Variants in SESTD1 observed in about 807,000 individuals in gnomAD.
SESTD1 encodes SEC14 domain and spectrin repeat-containing protein 1.
Under a neutral mutation model 101.7 loss-of-function variants are expected in SESTD1, and 43 were observed. The observed-to-expected ratio is 0.42, with a 90% CI of 0.33 to 0.55. The LOEUF is 0.55. Ranked by LOEUF, SESTD1 falls within the 20% of genes least tolerant of loss-of-function variation. SESTD1 has a pLI of 0.07. For missense variants in SESTD1, 647 were observed against 815.1 expected, an observed-to-expected ratio of 0.79 and a Z score of 2.51; for synonymous variants, 283 against 286.8, an observed-to-expected ratio of 0.99 and a Z score of 0.13.
At chr2:179,230,276 C>T (rs1280317726) in intron 1 of SESTD1, among the ~76,000 whole-genome samples, 1 of 151,670 alleles carries the variant, frequency 6.6e-6, no homozygotes, top group East Asian at 1.9e-4. Context: ...GCTGGGGCTA[C>T]AGGCACACAC....
intron 14 of SESTD1, among the ~76,000 whole-genome samples, chr2:179,117,041 A>G (rs1280593921): frequency 6.6e-6 from 1 of 152,240 alleles, no homozygotes; most frequent in East Asian, 1.9e-4. Context: ...ATCACATAAT[A>G]AAAGATCATG....
chr2:179,259,976 T>C (rs1409380946), intron 1 of SESTD1, among the ~76,000 whole-genome samples: 2 of 152,208 alleles, frequency 1.3e-5, no homozygotes. Context: ...AAATGGCCTG[T>C]GAATTTTTAT....
intron 10 of SESTD1, among the ~76,000 whole-genome samples, chr2:179,127,576 A>G (rs143027496): frequency 3.5e-4 from 53 of 152,326 alleles, no homozygotes; most frequent in Middle Eastern, 3.4e-3. Flanking sequence ...GGTTATCACA[A>G]CTGAGGAATG....
chr2:179,188,663 T>G (rs894815741), intron 2 of SESTD1, among the ~76,000 whole-genome samples: 18 of 151,822 alleles, frequency 1.2e-4, no homozygotes, highest in South Asian at 4.2e-4. Flanking sequence ...GGTGGGGGGC[T>G]GACAACACCA....
intron 1 of SESTD1, among the ~76,000 whole-genome samples, chr2:179,195,830 T>C (rs1272922937): frequency 1.3e-5 from 2 of 151,204 alleles, no homozygotes; most frequent in South Asian, 2.1e-4. Context: ...AAAAGGCATT[T>C]TGGGAAAGGA....
At position 179,191,797 on chromosome 2, in the gene SESTD1, G is replaced by A. The variant is rs772859658; in HGVS notation, c.45C>T (p.Ala15=). ...VILPILKKKL[A]FLSGGKDRRS... ...AAGAAGAAATCATACCTGAAAGGAA[G>A]GCTAGTTTTTTCTTCAGAATGGGTA... The change falls in exon 2 of 18, where the codon GCC becomes GCT. Residue 15 remains alanine (A), a synonymous_variant. Coordinates refer to ENST00000428443, the MANE Select transcript of SESTD1 (RefSeq NM_178123.5). The A allele has an allele frequency of 1.9e-6, 3 of 1,612,420 alleles. No homozygotes were observed. The highest frequency in any genetic ancestry group is 1.7e-5 in the Admixed American group (1 of 59,778).
intron 16 of SESTD1, 81 bp from the exon 17 acceptor site, chr2:179,112,926 A>C: frequency 6.8e-7 from 1 of 1,465,556 alleles, no homozygotes; most frequent in Non-Finnish European, 9.0e-7. Context: ...CCCCACAAAA[A>C]AAAAGAGAGA....
intron 1 of SESTD1, among the ~76,000 whole-genome samples, chr2:179,242,901 C>A (rs1358334077): frequency 2.0e-5 from 3 of 152,162 alleles, no homozygotes; most frequent in African/African-American, 7.2e-5. Context: ...GCAAACAATT[C>A]ATGACTAAGT....
At chr2:179,180,387 C>T (rs997193347) in intron 3 of SESTD1, among the ~76,000 whole-genome samples, 1 of 152,174 alleles carries the variant, frequency 6.6e-6, no homozygotes, top group African/African-American at 2.4e-5. Flanking sequence ...TAGCTAGCTA[C>T]ACTGCTGGAG....
chr2:179,199,640 G>A (rs929271247), intron 1 of SESTD1, among the ~76,000 whole-genome samples: 4 of 152,096 alleles, frequency 2.6e-5, no homozygotes, highest in African/African-American at 9.7e-5. Context: ...GGGATGCAAG[G>A]CTGGTTCAAT....
At chr2:179,146,577 C>A in intron 7 of SESTD1, 120 bp from the exon 8 acceptor site, 1 of 732,334 alleles carries the variant, frequency 1.4e-6, no homozygotes, top group South Asian at 1.9e-5. Context: ...CTGAAGCATA[C>A]CATCCTACCA....
chr2:179,138,013 A>G (rs1036025113), intron 9 of SESTD1, among the ~76,000 whole-genome samples: 1 of 152,198 alleles, frequency 6.6e-6, no homozygotes, highest in African/African-American at 2.4e-5. Flanking sequence ...AGGGATATAG[A>G]TATTTCCTTA....
intron 2 of SESTD1, among the ~76,000 whole-genome samples, chr2:179,189,254 T>G (rs1361993852): frequency 6.6e-6 from 1 of 152,190 alleles, no homozygotes; most frequent in African/African-American, 2.4e-5. Context: ...ATTCCTGGGA[T>G]GCAAGATCAG....
At chr2:179,130,229 C>G (rs1453499359) in intron 10 of SESTD1, among the ~76,000 whole-genome samples, 1 of 152,084 alleles carries the variant, frequency 6.6e-6, no homozygotes, top group Non-Finnish European at 1.5e-5. Flanking sequence ...ATCAAGAGAT[C>G]TGTGTCTTAA....
chr2:179,137,116 T>C (rs2045163479), intron 9 of SESTD1, among the ~76,000 whole-genome samples: 1 of 152,166 alleles, frequency 6.6e-6, no homozygotes, highest in Admixed American at 6.6e-5. Context: ...TCAATCTGAA[T>C]ATTAACTTAC....
intron 1 of SESTD1, among the ~76,000 whole-genome samples, chr2:179,237,412 C>CT (rs1441799375): frequency 1.3e-5 from 2 of 152,090 alleles, no homozygotes; most frequent in African/African-American, 4.8e-5. Flanking sequence ...TTACCTGGCC[C>CT]TTCCCACATT....
intron 9 of SESTD1, among the ~76,000 whole-genome samples, chr2:179,136,213 C>T (rs958666118): frequency 6.6e-6 from 1 of 152,152 alleles, no homozygotes; most frequent in African/African-American, 2.4e-5. Flanking sequence ...ATGATACCTA[C>T]AGTACAGGGC....
At chr2:179,198,032 A>G (rs1263245132) in intron 1 of SESTD1, among the ~76,000 whole-genome samples, 1 of 152,234 alleles carries the variant, frequency 6.6e-6, no homozygotes, top group Non-Finnish European at 1.5e-5. Flanking sequence ...ATAAAGAGTC[A>G]AGACCCATCA....
chr2:179,132,963 A>G (rs989631117), intron 9 of SESTD1, among the ~76,000 whole-genome samples: 2 of 152,212 alleles, frequency 1.3e-5, no homozygotes, highest in African/African-American at 4.8e-5. Context: ...CTATAAAGTT[A>G]ATATACCACT....
Sources: gnomAD v4.1 joint callset for allele counts (sites outside exome capture counted in the v4.1 genomes callset) on GRCh38, gnomAD v4.1.1 for gene constraint, MANE v1.5 for transcripts, NCBI Gene and HGNC (gene_info 2026-07-23, HGNC 2026-07-21) for gene names.